GRIK2: variants seen among roughly 807,000 people sequenced by gnomAD.
GRIK2 encodes glutamate ionotropic receptor kainate type subunit 2.
A neutral mutation model predicts 100.3 loss-of-function variants in GRIK2; 32 were observed. The observed-to-expected ratio is 0.32, with a 90% CI of 0.24 to 0.43. The LOEUF (loss-of-function observed/expected upper bound fraction) is 0.43, where lower values mean the gene tolerates loss of function less well. GRIK2 is among the 20% of genes least tolerant of loss of function. The probability of loss-of-function intolerance (pLI) is 1.00; values close to 1 mark genes in which losing one functional copy is unlikely to be tolerated. For missense variants in GRIK2, 843 were observed against 1,114.9 expected (o/e 0.76, Z 3.47); for synonymous variants, 417 against 389.4 (o/e 1.07, Z -0.83).
chr6:101,698,492 A>G (rs1293223491), intron 7 of GRIK2, among the ~76,000 whole-genome samples: 1 of 152,084 alleles, frequency 6.6e-6, no homozygotes, highest in Non-Finnish European at 1.5e-5. Context: ...TACATATTTT[A>G]TTCATTAATC....
chr6:102,023,956 C>A (rs1443295042), intron 14 of GRIK2, among the ~76,000 whole-genome samples: 1 of 151,186 alleles, frequency 6.6e-6, no homozygotes, highest in African/African-American at 2.4e-5. Context: ...GCGCATGAGG[C>A]TCCAGTGGGA....
chr6:101,949,679 T>C (rs1791494572), intron 14 of GRIK2, among the ~76,000 whole-genome samples: 1 of 152,192 alleles, frequency 6.6e-6, no homozygotes, highest in Admixed American at 6.5e-5. Flanking sequence ...GCAAAGGACA[T>C]AAACTCATCC....
At chr6:101,446,501 C>G (rs1349109812) in intron 2 of GRIK2, among the ~76,000 whole-genome samples, 1 of 151,652 alleles carries the variant, frequency 6.6e-6, no homozygotes, top group East Asian at 1.9e-4. Context: ...TTTTTATACA[C>G]TAAGTTTTAT....
chr6:101,700,945 C>T (rs1180124823), intron 7 of GRIK2, among the ~76,000 whole-genome samples: 1 of 152,070 alleles, frequency 6.6e-6, no homozygotes, highest in Non-Finnish European at 1.5e-5. Flanking sequence ...AGCTTTGCAG[C>T]TTAGGTGACT....
intron 12 of GRIK2, among the ~76,000 whole-genome samples, chr6:101,907,855 T>G (rs1237899171): frequency 6.6e-6 from 1 of 151,780 alleles, no homozygotes; most frequent in African/African-American, 2.4e-5. Context: ...AGTTTTTCAC[T>G]TATTTCCTCA....
At chr6:102,003,851 G>C (rs1458863355) in intron 14 of GRIK2, among the ~76,000 whole-genome samples, 2 of 151,628 alleles carry the variant, frequency 1.3e-5, no homozygotes, top group African/African-American at 4.8e-5. Flanking sequence ...AGTGTAACTA[G>C]AAGTTAATTT....
At chr6:101,815,620 TAA>T (rs3995810) in intron 9 of GRIK2, among the ~76,000 whole-genome samples, 39 of 142,072 alleles carry the variant, frequency 2.7e-4, no homozygotes, top group Middle Eastern at 3.8e-3. Flanking sequence ...GTTTCAGAGC[TAA>T]AAAAAAAAAA....
chr6:101,958,361 T>C (rs151248613), intron 14 of GRIK2, among the ~76,000 whole-genome samples: 10 of 151,700 alleles, frequency 6.6e-5, no homozygotes, highest in Admixed American at 6.6e-4. Context: ...GCTACTGACC[T>C]TTATACATTG....
intron 15 of GRIK2, among the ~76,000 whole-genome samples, chr6:102,046,504 C>A (rs542114443): frequency 5.3e-5 from 8 of 152,172 alleles, no homozygotes; most frequent in African/African-American, 1.7e-4. Context: ...CCACAACCTG[C>A]ACCCACTGCC....
chr6:101,804,890 TAGAA>T (rs552987256), intron 9 of GRIK2, among the ~76,000 whole-genome samples: 6 of 151,950 alleles, frequency 3.9e-5, no homozygotes, highest in Non-Finnish European at 8.8e-5. Flanking sequence ...GATTTTGACT[TAGAA>T]GGAACAAAAT....
chr6:101,466,750 T>G (rs946382995), intron 2 of GRIK2, among the ~76,000 whole-genome samples: 1 of 152,124 alleles, frequency 6.6e-6, no homozygotes, highest in Non-Finnish European at 1.5e-5. Context: ...CCACAAAAGC[T>G]CTGATGTATT....
chr6:101,912,389 C>T (rs1440647485), intron 12 of GRIK2, among the ~76,000 whole-genome samples: 1 of 151,464 alleles, frequency 6.6e-6, no homozygotes, highest in Non-Finnish European at 1.5e-5. Context: ...AAGGGATTCC[C>T]AGTCTCAGGC....
In GRIK2 at chr6:101,613,957, AAC is replaced by A. The variant is rs112964912; in HGVS notation, c.116-7990_116-7989del. ...AAGATATGATTAAAAACTTTAGGAA[AAC>A]AGGGGATGGATTAATATATGGGAGA... is the stretch of plus-strand genomic sequence containing the variant. On this transcript the variant is annotated intron_variant, in intron 2 of 16. Transcript: ENST00000369134. 2.2e-3 allele frequency among the ~76,000 whole-genome samples: 332 copies of A among 151,784 alleles called. 4 individuals are homozygous for A. The highest frequency in any genetic ancestry group is 7.8e-3 in the African/African-American group (323 of 41,448).
intron 2 of GRIK2, among the ~76,000 whole-genome samples, chr6:101,523,274 A>G (rs1415940305): frequency 6.6e-6 from 1 of 152,134 alleles, no homozygotes; most frequent in Non-Finnish European, 1.5e-5. Flanking sequence ...AACCCTTATT[A>G]TAGACCTACC....
chr6:101,719,983 C>G (rs762780640), intron 7 of GRIK2, among the ~76,000 whole-genome samples: 5 of 151,668 alleles, frequency 3.3e-5, no homozygotes, highest in Non-Finnish European at 7.4e-5. Context: ...GAAAAAACAC[C>G]AAGTATTGCA....
At chr6:101,714,045 C>A (rs1212440876) in intron 7 of GRIK2, among the ~76,000 whole-genome samples, 1 of 151,506 alleles carries the variant, frequency 6.6e-6, no homozygotes, top group Admixed American at 6.6e-5. Flanking sequence ...AATAAAGATC[C>A]ACCTTTCTTT....
At chr6:101,828,303 G>A (rs1347578362) in intron 10 of GRIK2, among the ~76,000 whole-genome samples, 1 of 151,808 alleles carries the variant, frequency 6.6e-6, no homozygotes, top group Non-Finnish European at 1.5e-5. Flanking sequence ...AGTTTATGGT[G>A]CTAAATGCCT....
intron 2 of GRIK2, among the ~76,000 whole-genome samples, chr6:101,432,408 T>C (rs1171618044): frequency 6.6e-6 from 1 of 152,158 alleles, no homozygotes; most frequent in East Asian, 1.9e-4. Flanking sequence ...TAAACTAATT[T>C]ATACTATAAT....
At chr6:101,504,530 G>A (rs1299792278) in intron 2 of GRIK2, among the ~76,000 whole-genome samples, 2 of 151,050 alleles carry the variant, frequency 1.3e-5, no homozygotes, top group Admixed American at 6.6e-5. Flanking sequence ...TTAAGAAAAA[G>A]AACAACAATA....
Sources: gnomAD v4.1 joint callset for allele counts (sites outside exome capture counted in the v4.1 genomes callset) on GRCh38, gnomAD v4.1.1 for gene constraint, MANE v1.5 for transcripts, NCBI Gene and HGNC (gene_info 2026-07-23, HGNC 2026-07-21) for gene names.